The following ARHGAP5 variants were observed in gnomAD, a reference collection of about 807,000 sequenced individuals.
The protein encoded by ARHGAP5 is rho GTPase-activating protein 5.
In ARHGAP5, 23 loss-of-function variants were observed where a neutral mutation model predicts 116.6. The ratio of observed to expected loss-of-function variants is 0.20; its 90% CI spans 0.14 to 0.28. The LOEUF is 0.28. ARHGAP5 is among the 10% of genes least tolerant of loss of function. The pLI, the probability that ARHGAP5 is intolerant of heterozygous loss-of-function variation, is 1.00. For synonymous variants in ARHGAP5, 574 were observed against 602.0 expected, an observed-to-expected ratio of 0.95 and a Z score of 0.68; for missense variants, 1,405 against 1,774.8, an observed-to-expected ratio of 0.79 and a Z score of 3.74.
chr14:32,127,263 G>A (rs1007860286), intron 3 of ARHGAP5, among the ~76,000 whole-genome samples: 1 of 152,046 alleles, frequency 6.6e-6, no homozygotes, highest in Non-Finnish European at 1.5e-5. Context: ...TGGAGAGAAG[G>A]TCAGCAGATA....
intron 3 of ARHGAP5, among the ~76,000 whole-genome samples, chr14:32,127,979 G>A (rs187926066): frequency 0.015 from 2,201 of 150,160 alleles, 59 homozygotes; most frequent in African/African-American, 0.05. Flanking sequence ...GGTGGCGGCC[G>A]GGCAGAGGCG....
intron 1 of ARHGAP5, among the ~76,000 whole-genome samples, chr14:32,080,474 TA>T (rs569231899): frequency 2.0e-5 from 3 of 149,684 alleles, no homozygotes; most frequent in African/African-American, 2.4e-5. Flanking sequence ...AAATTCCCCT[TA>T]AAAAAAAACA....
intron 1 of ARHGAP5, among the ~76,000 whole-genome samples, chr14:32,085,049 G>A (rs2041815488): frequency 6.6e-6 from 1 of 151,870 alleles, no homozygotes; most frequent in Non-Finnish European, 1.5e-5. Context: ...TCTCCTACAG[G>A]TATTACATTG....
intron 3 of ARHGAP5, among the ~76,000 whole-genome samples, chr14:32,140,107 T>G: frequency 7.3e-6 from 1 of 137,258 alleles, no homozygotes; most frequent in Non-Finnish European, 1.6e-5. Flanking sequence ...CTTTTTTTTT[T>G]TTTTTTCCTT....
At chr14:32,140,567 G>T (rs569598543) in intron 3 of ARHGAP5, among the ~76,000 whole-genome samples, 2 of 152,090 alleles carry the variant, frequency 1.3e-5, no homozygotes, top group African/African-American at 4.8e-5. Flanking sequence ...TCCAGCCTGG[G>T]CGACAGAGTG....
intron 3 of ARHGAP5, among the ~76,000 whole-genome samples, chr14:32,143,239 G>GTTGTTGTTGTTGTTA (rs1456165613): frequency 2.8e-5 from 4 of 143,886 alleles, no homozygotes; most frequent in African/African-American, 8.1e-5. Context: ...TGTTGTTGTT[G>GTTGTTGTTGTTGTTA]TTATTATTAT....
chr14:32,139,786 A>T (rs1452323326), intron 3 of ARHGAP5, among the ~76,000 whole-genome samples: 1 of 150,886 alleles, frequency 6.6e-6, no homozygotes, highest in African/African-American at 2.4e-5. Context: ...TTAAAGTTGG[A>T]ATCTTTTTAA....
At chr14:32,116,128 A>G (rs1170329910) in intron 2 of ARHGAP5, among the ~76,000 whole-genome samples, 1 of 137,538 alleles carries the variant, frequency 7.3e-6, no homozygotes, top group Non-Finnish European at 1.6e-5. Context: ...CTCTACTAAA[A>G]ATACAAAAAT....
chr14:32,110,175 C>G (rs984701778), intron 2 of ARHGAP5, among the ~76,000 whole-genome samples: 1 of 150,960 alleles, frequency 6.6e-6, no homozygotes, highest in Non-Finnish European at 1.5e-5. Flanking sequence ...AAAATTCCTG[C>G]CCTTGTGTAG....
chr14:32,111,039 C>T (rs749664107), intron 2 of ARHGAP5, among the ~76,000 whole-genome samples: 3 of 152,132 alleles, frequency 2.0e-5, no homozygotes, highest in Admixed American at 6.5e-5. Context: ...AAGAGCTGCG[C>T]TGGAAGTAAT....
intron 4 of ARHGAP5, among the ~76,000 whole-genome samples, chr14:32,149,698 G>A (rs1301272966): frequency 6.6e-6 from 1 of 151,898 alleles, no homozygotes; most frequent in African/African-American, 2.4e-5. Context: ...CTTTGAACCC[G>A]GGAGGTGGAG....
At chr14:32,130,254 C>CA in intron 3 of ARHGAP5, among the ~76,000 whole-genome samples, 2 of 147,624 alleles carry the variant, frequency 1.4e-5, no homozygotes, top group Admixed American at 1.3e-4. Context: ...CTGTGTCCCC[C>CA]AGGCTGGAGT....
chr14:32,141,758 A>T (rs938119904), intron 3 of ARHGAP5, among the ~76,000 whole-genome samples: 2 of 152,148 alleles, frequency 1.3e-5, no homozygotes, highest in African/African-American at 4.8e-5. Flanking sequence ...TCATTTTTGA[A>T]ACATAGTTTT....
At chr14:32,090,302 G>A (rs1266484486) in intron 1 of ARHGAP5, among the ~76,000 whole-genome samples, 200 bp from the exon 2 acceptor site, 1 of 151,896 alleles carries the variant, frequency 6.6e-6, no homozygotes, top group Non-Finnish European at 1.5e-5. Flanking sequence ...GTTAGATTTT[G>A]TATTTTGTTA....
chr14:32,151,759 A>T (rs763100144), intron 5 of ARHGAP5, among the ~76,000 whole-genome samples: 43 of 152,204 alleles, frequency 2.8e-4, no homozygotes, highest in Non-Finnish European at 5.3e-4. Flanking sequence ...ATTTATAAGT[A>T]ATTAGTTAAT....
Position 32,158,166 on chromosome 14 carries a change from A to G in ARHGAP5, c.*3218A>G, listed in dbSNP as rs1881980149. On this transcript the variant is annotated 3_prime_UTR_variant, in exon 7 of 7. Transcript: ENST00000345122. The stretch of plus-strand genomic sequence containing the variant: ...AGTTATAGTTGCCTCTATTTTTACC[A>G]TTTCATTGGTAAAAATTAGCTAATT... 6.6e-6 allele frequency: 1 copy of G among 151,740 alleles called. No homozygotes were observed. Among genetic ancestry groups the G allele is most frequent in the Non-Finnish European group, 1.5e-5 (1 of 67,736 alleles). 9.4% of individuals were successfully genotyped at this position (151,740 alleles called of 1,614,324 possible). A position where few individuals can be genotyped will look rare whatever the true frequency, so the allele number is the denominator to read the frequency against.
chr14:32,077,663 C>CG (rs906118422), intron 1 of ARHGAP5, among the ~76,000 whole-genome samples: 21 of 151,908 alleles, frequency 1.4e-4, no homozygotes, highest in African/African-American at 5.1e-4. Flanking sequence ...GCAGAGAGGC[C>CG]GGGGGAGGGG....
intron 2 of ARHGAP5, among the ~76,000 whole-genome samples, chr14:32,111,019 C>T (rs1004881998): frequency 1.3e-5 from 2 of 152,154 alleles, no homozygotes; most frequent in South Asian, 4.1e-4. Flanking sequence ...TTAGTTTAGG[C>T]TTCAGGAGAA....
At chr14:32,097,887 T>G (rs935125360) in intron 2 of ARHGAP5, among the ~76,000 whole-genome samples, 3 of 152,148 alleles carry the variant, frequency 2.0e-5, no homozygotes, top group Non-Finnish European at 4.4e-5. Flanking sequence ...TGACAGATTA[T>G]CAAGTCCCCA....
Sources: gnomAD v4.1 joint callset for allele counts (sites outside exome capture counted in the v4.1 genomes callset) on GRCh38, gnomAD v4.1.1 for gene constraint, MANE v1.5 for transcripts, NCBI Gene and HGNC (gene_info 2026-07-23, HGNC 2026-07-21) for gene names.